The following CAST variants were observed in gnomAD, a reference collection of about 807,000 sequenced individuals.
CAST encodes the protein MIR583 host.
In CAST, 76 loss-of-function variants were observed where a neutral mutation model predicts 119.6. That is an observed-to-expected ratio of 0.64 (90% CI 0.53 to 0.77). The LOEUF (loss-of-function observed/expected upper bound fraction) is 0.77, where lower values mean the gene tolerates loss of function less well. Ranked by LOEUF, CAST falls within the 30% of genes least tolerant of loss-of-function variation. The pLI is 0.00. For missense variants in CAST, 953 were observed against 946.5 expected, an observed-to-expected ratio of 1.01 and a Z score of -0.09; for synonymous variants, 319 against 331.6, an observed-to-expected ratio of 0.96 and a Z score of 0.41.
the CAST span, among the ~76,000 whole-genome samples, chr5:96,409,056 G>A: frequency 6.6e-6 from 1 of 152,210 alleles, no homozygotes; most frequent in Non-Finnish European, 1.5e-5. Context: ...TACCCGAGAT[G>A]TTCTCTGTGA....
the CAST span, among the ~76,000 whole-genome samples, chr5:96,179,978 G>A: frequency 6.6e-6 from 1 of 151,952 alleles, no homozygotes; most frequent in Non-Finnish European, 1.5e-5. Context: ...GGAGCTTGCA[G>A]TGAGCTGAGA....
chr5:96,214,289 T>C, the CAST span, among the ~76,000 whole-genome samples: 1 of 152,180 alleles, frequency 6.6e-6, no homozygotes, highest in Non-Finnish European at 1.5e-5. Flanking sequence ...AGCCATACAT[T>C]TCCGGAGAGT....
At chr5:96,296,525 T>C in the CAST span, among the ~76,000 whole-genome samples, 1 of 152,218 alleles carries the variant, frequency 6.6e-6, no homozygotes, top group Non-Finnish European at 1.5e-5. Flanking sequence ...AAGCATCCTT[T>C]TGTGTCTGGA....
the CAST span, among the ~76,000 whole-genome samples, chr5:96,203,893 T>C: frequency 6.6e-6 from 1 of 152,002 alleles, no homozygotes; most frequent in African/African-American, 2.4e-5. Flanking sequence ...GTGAAACTGA[T>C]GGAGGTTGAG....
the CAST span, among the ~76,000 whole-genome samples, chr5:96,156,363 T>C: frequency 1.3e-5 from 2 of 152,192 alleles, no homozygotes; most frequent in South Asian, 2.1e-4. Context: ...GTATCTGTAG[T>C]AGGGTTTTTC....
chr5:96,553,129 T>C (rs1304847779), intron 1 of CAST, among the ~76,000 whole-genome samples: 2 of 152,184 alleles, frequency 1.3e-5, no homozygotes, highest in South Asian at 2.1e-4. Flanking sequence ...TTTAGGCCAA[T>C]ATCCCTGATG....
chr5:96,235,508 TAGTTTAATGGTA>T, the CAST span, among the ~76,000 whole-genome samples: 1 of 152,186 alleles, frequency 6.6e-6, no homozygotes, highest in African/African-American at 2.4e-5. Flanking sequence ...ATGTGAATGT[TAGTTTAATGGTA>T]ATTATTTAGG....
chr5:96,380,275 A>AT, the CAST span, among the ~76,000 whole-genome samples: 28 of 152,274 alleles, frequency 1.8e-4, 1 homozygote, highest in African/African-American at 6.5e-4. Flanking sequence ...CATACTCATA[A>AT]TTTTTTAAAA....
At chr5:96,227,327 ATTTAC>A in the CAST span, among the ~76,000 whole-genome samples, 536 of 152,278 alleles carry the variant, frequency 3.5e-3, 2 homozygotes, top group African/African-American at 0.012. Flanking sequence ...CAATAGAATT[ATTTAC>A]TTAGCCTTTT....
intron 1 of CAST, 53 bp from the exon 2 acceptor site, chr5:96,675,486 C>T (rs1264935161): frequency 1.6e-6 from 2 of 1,275,734 alleles, no homozygotes; most frequent in African/African-American, 2.9e-5. Context: ...ATTAAAGTTA[C>T]TGTCATCTGT....
the CAST span, among the ~76,000 whole-genome samples, chr5:96,329,086 T>A: frequency 6.6e-6 from 1 of 152,254 alleles, no homozygotes; most frequent in East Asian, 1.9e-4. Context: ...AAGCTTATTA[T>A]TATTACTATC....
chr5:96,728,628 C>T (rs1242845095), intron 6 of CAST: 1 of 152,522 alleles, frequency 6.6e-6, no homozygotes, highest in African/African-American at 2.4e-5. Context: ...AGGCACCCGC[C>T]ACCAAGCCTG....
At chr5:96,578,901 A>G (rs888865773) in intron 1 of CAST, among the ~76,000 whole-genome samples, 1 of 152,152 alleles carries the variant, frequency 6.6e-6, no homozygotes, top group Non-Finnish European at 1.5e-5. Context: ...GCAGGCTATG[A>G]TTCCAATAGC....
the CAST span, among the ~76,000 whole-genome samples, chr5:95,990,977 CTAAT>C: frequency 1.3e-5 from 2 of 152,140 alleles, no homozygotes; most frequent in South Asian, 4.1e-4. Context: ...CCTTCTAACT[CTAAT>C]TAGTGTTTTC....
chr5:96,054,862 C>T, the CAST span, among the ~76,000 whole-genome samples: 4 of 152,218 alleles, frequency 2.6e-5, no homozygotes, highest in Non-Finnish European at 5.9e-5. Context: ...TGGTGTGAAT[C>T]AGGGCAAATC....
Position 96,675,700 on chromosome 5 carries a change from T to C in CAST, c.138+99T>C, listed in dbSNP as rs1454804342. ...ACGATGTAGCAAAGAGCTTCTACCT[T>C]GCTTAATATTGGGAAATTTTGATTT... is the stretch of plus-strand genomic sequence containing the variant. On this transcript the variant is annotated intron_variant, in intron 2 of 31. Coordinates refer to ENST00000675179, the MANE Select transcript of CAST (RefSeq NM_001750.7). 1.7e-5 allele frequency: 14 copies of C among 822,446 alleles called. No individual in the cohort carries two copies. In the South Asian group the frequency reaches 2.3e-4, roughly 13 times the overall value. 50.9% of individuals were successfully genotyped at this position (822,446 alleles called of 1,614,324 possible).
At chr5:96,423,434 A>T in the CAST span, 1 of 1,614,124 alleles carries the variant, frequency 6.2e-7, no homozygotes, top group South Asian at 1.1e-5. Context: ...CAGCTTGGGC[A>T]GGGCTGCCGT....
At chr5:96,406,328 G>T in the CAST span, among the ~76,000 whole-genome samples, 3,106 of 152,224 alleles carry the variant, frequency 0.02, 120 homozygotes, top group African/African-American at 0.072. Context: ...ATCTGCTGAT[G>T]CCAGTCTCAG....
chr5:96,148,051 G>A, the CAST span, among the ~76,000 whole-genome samples: 1 of 151,900 alleles, frequency 6.6e-6, no homozygotes, highest in Non-Finnish European at 1.5e-5. Flanking sequence ...CTTTTCTTAC[G>A]GTGACTTCAC....
Sources: gnomAD v4.1 joint callset for allele counts (sites outside exome capture counted in the v4.1 genomes callset) on GRCh38, gnomAD v4.1.1 for gene constraint, MANE v1.5 for transcripts, NCBI Gene and HGNC (gene_info 2026-07-23, HGNC 2026-07-21) for gene names.